The following GRIP1 variants were observed in gnomAD, a reference collection of about 807,000 sequenced individuals.
GRIP1 encodes the protein glutamate receptor interacting protein 1, also known as glutamate receptor-interacting protein 1.
In GRIP1, 45 loss-of-function variants were observed where a neutral mutation model predicts 129.9. The ratio of observed to expected loss-of-function variants is 0.35; its 90% CI spans 0.27 to 0.44. The LOEUF is 0.44. Among genes scored for constraint, GRIP1 ranks in the 20% least tolerant of loss-of-function variants. GRIP1 has a pLI of 1.00. For synonymous variants in GRIP1, 530 were observed against 520.8 expected, an observed-to-expected ratio of 1.02 and a Z score of -0.24; for missense variants, 1,196 against 1,396.8, an observed-to-expected ratio of 0.86 and a Z score of 2.29.
intron 1 of GRIP1, among the ~76,000 whole-genome samples, chr12:66,732,948 A>G (rs1483108656): frequency 6.6e-6 from 1 of 152,204 alleles, no homozygotes; most frequent in Non-Finnish European, 1.5e-5. Context: ...GGATTGTGCT[A>G]GGCCCAAATT....
intron 1 of GRIP1, among the ~76,000 whole-genome samples, chr12:66,653,628 C>G (rs1015052608): frequency 3.3e-5 from 5 of 152,140 alleles, no homozygotes; most frequent in African/African-American, 1.2e-4. Flanking sequence ...GCACACTAGA[C>G]TAGGAAGAAA....
intron 2 of GRIP1, among the ~76,000 whole-genome samples, chr12:66,551,054 G>A (rs1017111902): frequency 6.6e-6 from 1 of 152,198 alleles, no homozygotes; most frequent in Non-Finnish European, 1.5e-5. Flanking sequence ...AAGTAAAACT[G>A]AAGCAATTGG....
chr12:66,737,771 C>T (rs141893426), intron 1 of GRIP1, among the ~76,000 whole-genome samples: 15 of 152,092 alleles, frequency 9.9e-5, no homozygotes, highest in African/African-American at 3.4e-4. Context: ...TAATCATTGC[C>T]CACCAGGTGC....
chr12:66,539,756 T>G (rs933504916), intron 3 of GRIP1, among the ~76,000 whole-genome samples: 1 of 152,122 alleles, frequency 6.6e-6, no homozygotes, highest in African/African-American at 2.4e-5. Flanking sequence ...TGCTATTTAT[T>G]GCTTACAGCA....
intron 19 of GRIP1, among the ~76,000 whole-genome samples, chr12:66,383,450 G>C (rs1162274437): frequency 1.3e-5 from 2 of 152,178 alleles, no homozygotes; most frequent in African/African-American, 4.8e-5. Context: ...GAAGGGAAAA[G>C]TATTCCAGGA....
At chr12:66,465,177 C>T (rs1018802423) in intron 8 of GRIP1, 98 bp downstream of exon 8, 15 of 966,944 alleles carry the variant, frequency 1.6e-5, no homozygotes, top group Non-Finnish European at 2.5e-5. Flanking sequence ...AACTCCTGAC[C>T]TCAGGTGATT....
At chr12:67,025,344 TAC>T (rs543314238) in intron 1 of GRIP1, among the ~76,000 whole-genome samples, 1 of 150,876 alleles carries the variant, frequency 6.6e-6, no homozygotes, top group Admixed American at 6.6e-5. Flanking sequence ...CTGTCTCAAA[TAC>T]ACACACACAC....
intron 1 of GRIP1, among the ~76,000 whole-genome samples, chr12:66,985,926 T>C (rs1329401144): frequency 3.3e-5 from 5 of 152,192 alleles, no homozygotes; most frequent in Admixed American, 6.5e-5. Flanking sequence ...AAGTACTTAG[T>C]AGTTTTGTGT....
chr12:66,491,750 G>A (rs1021188594), intron 7 of GRIP1, among the ~76,000 whole-genome samples: 1 of 152,126 alleles, frequency 6.6e-6, no homozygotes, highest in Non-Finnish European at 1.5e-5. Flanking sequence ...TAGCAAAACC[G>A]ATCCAGCATT....
chr12:66,867,845 T>C (rs1202724643), intron 1 of GRIP1, among the ~76,000 whole-genome samples: 1 of 152,150 alleles, frequency 6.6e-6, no homozygotes, highest in Non-Finnish European at 1.5e-5. Context: ...GGGTACTCAG[T>C]GAATGTCCTT....
intron 1 of GRIP1, among the ~76,000 whole-genome samples, chr12:66,884,280 A>G (rs1592928029): frequency 6.6e-6 from 1 of 151,476 alleles, no homozygotes; most frequent in Non-Finnish European, 1.5e-5. Context: ...CTGTGTTAGA[A>G]CTCTTGCCAG....
chr12:66,743,636 G>A (rs1340973572), intron 1 of GRIP1, among the ~76,000 whole-genome samples: 2 of 151,850 alleles, frequency 1.3e-5, no homozygotes, highest in Admixed American at 6.6e-5. Flanking sequence ...CCTTTACCAG[G>A]ATCCTGTCCT....
intron 1 of GRIP1, among the ~76,000 whole-genome samples, chr12:66,597,544 G>T (rs539732489): frequency 6.6e-6 from 1 of 152,214 alleles, no homozygotes; most frequent in Non-Finnish European, 1.5e-5. Flanking sequence ...AGGAACGATG[G>T]TTTGGCAAAA....
intron 1 of GRIP1, among the ~76,000 whole-genome samples, chr12:66,801,190 G>C (rs1452126673): frequency 6.6e-6 from 1 of 152,026 alleles, no homozygotes; most frequent in Admixed American, 6.6e-5. Flanking sequence ...CATTTTAAAA[G>C]ACTAAAACCC....
chr12:66,733,100 C>G (rs1388982492), intron 1 of GRIP1, among the ~76,000 whole-genome samples: 1 of 152,140 alleles, frequency 6.6e-6, no homozygotes. Context: ...GTGATCCTCC[C>G]ACCTTAGCCT....
intron 1 of GRIP1, among the ~76,000 whole-genome samples, chr12:66,868,380 T>G (rs2040240484): frequency 6.6e-6 from 1 of 152,064 alleles, no homozygotes; most frequent in African/African-American, 2.4e-5. Context: ...TGAGACATCT[T>G]TTGGCAGGCA....
At chr12:66,516,959 G>A (rs1393822843) in intron 6 of GRIP1, among the ~76,000 whole-genome samples, 1 of 152,156 alleles carries the variant, frequency 6.6e-6, no homozygotes, top group Non-Finnish European at 1.5e-5. Flanking sequence ...TGGATACAAA[G>A]ACCTCATGTA....
chr12:66,385,596 ATTAT>A (rs149410816), intron 19 of GRIP1, among the ~76,000 whole-genome samples: 21 of 151,524 alleles, frequency 1.4e-4, no homozygotes, highest in South Asian at 1.0e-3. Context: ...TCTCCTTTGG[ATTAT>A]TTATTTATTT....
chr12:66,771,431 A>G (rs2037814908), intron 1 of GRIP1, among the ~76,000 whole-genome samples: 1 of 152,234 alleles, frequency 6.6e-6, no homozygotes, highest in African/African-American at 2.4e-5. Context: ...AGCAATTCCT[A>G]TAAAGCCAAT....
Sources: allele counts gnomAD v4.1 joint callset (sites outside exome capture counted in the v4.1 genomes callset), GRCh38; gene constraint gnomAD v4.1.1; transcripts MANE v1.5; gene names NCBI Gene and HGNC (gene_info 2026-07-23, HGNC 2026-07-21).